Variants in LHFPL3 observed in about 807,000 individuals in gnomAD.
The protein encoded by LHFPL3 is LHFPL tetraspan subfamily member 3.
A neutral mutation model predicts 19.3 loss-of-function variants in LHFPL3; 5 were observed. The ratio of observed to expected loss-of-function variants is 0.26; its 90% CI spans 0.14 to 0.54. The LOEUF (loss-of-function observed/expected upper bound fraction) is 0.54. Among genes scored for constraint, LHFPL3 ranks in the 20% least tolerant of loss-of-function variants. The pLI, the probability that LHFPL3 is intolerant of heterozygous loss-of-function variation, is 0.94. For synonymous variants in LHFPL3, 133 were observed against 126.2 expected (o/e 1.05, Z -0.36); for missense variants, 249 against 307.4 (o/e 0.81, Z 1.42).
intron 1 of LHFPL3, among the ~76,000 whole-genome samples, chr7:104,614,686 T>C (rs1217901854): frequency 5.1e-5 from 5 of 98,716 alleles, no homozygotes; most frequent in Non-Finnish European, 8.4e-5. Flanking sequence ...CTTCCTTCTT[T>C]CTTTCTTTCT....
At chr7:104,845,403 A>G in intron 2 of LHFPL3, 2 of 1,535,764 alleles carry the variant, frequency 1.3e-6, no homozygotes, top group Non-Finnish European at 1.7e-6. Context: ...GCTTAAGGCA[A>G]ACTAAGGTAG....
chr7:104,668,802 C>G, intron 1 of LHFPL3: 1 of 1,610,656 alleles, frequency 6.2e-7, no homozygotes, highest in Admixed American at 1.7e-5. Context: ...AACTCCCAGT[C>G]CACTCGAGCT....
intron 1 of LHFPL3, among the ~76,000 whole-genome samples, chr7:104,533,862 T>C (rs947534607): frequency 6.6e-6 from 1 of 152,198 alleles, no homozygotes; most frequent in Non-Finnish European, 1.5e-5. Context: ...TCTGATGATA[T>C]TGTCCTATGA....
At chr7:104,456,264 T>C (rs1792539191) in intron 1 of LHFPL3, among the ~76,000 whole-genome samples, 1 of 152,224 alleles carries the variant, frequency 6.6e-6, no homozygotes, top group Non-Finnish European at 1.5e-5. Context: ...AGCCGTCAGC[T>C]GCTTACTTTC....
intron 1 of LHFPL3, among the ~76,000 whole-genome samples, chr7:104,411,080 T>C (rs1170079154): frequency 6.6e-6 from 1 of 152,218 alleles, no homozygotes; most frequent in Non-Finnish European, 1.5e-5. Flanking sequence ...CTAACTGGAT[T>C]AGTTTCAGTG....
chr7:104,375,906 T>C (rs1010819786), intron 1 of LHFPL3, among the ~76,000 whole-genome samples: 4 of 152,374 alleles, frequency 2.6e-5, no homozygotes, highest in Admixed American at 6.5e-5. Flanking sequence ...TTTCCCCAGC[T>C]CACTGTTTCC....
Position 104,686,376 on chromosome 7 carries a change from A to G in LHFPL3, c.446-50299A>G, listed in dbSNP as rs575640146. On this transcript the variant is annotated intron_variant, in intron 1 of 2. Transcript: ENST00000424859. ...TTCACTGCAATGCAGGTGTGGGAGC[A>G]GCTGCATGATTTCCACACATCAAGA... is the stretch of plus-strand genomic sequence containing the variant. Among the ~76,000 whole-genome samples, 5 of 152,344 alleles carry G rather than the reference A, an allele frequency of 3.3e-5. No homozygotes were observed. In the South Asian group the frequency reaches 1.0e-3, roughly 32 times the overall value.
chr7:104,400,014 G>A (rs1791279813), intron 1 of LHFPL3, among the ~76,000 whole-genome samples: 1 of 147,042 alleles, frequency 6.8e-6, no homozygotes, highest in Non-Finnish European at 1.5e-5. Context: ...TGAGGCTGAA[G>A]AATCCTTTGA....
At chr7:104,878,504 A>G (rs1791990257) in intron 2 of LHFPL3, among the ~76,000 whole-genome samples, 1 of 152,172 alleles carries the variant, frequency 6.6e-6, no homozygotes, top group African/African-American at 2.4e-5. Flanking sequence ...ATAAGATGGC[A>G]AAGTTAATAA....
At chr7:104,352,064 C>T (rs1790185236) in intron 1 of LHFPL3, among the ~76,000 whole-genome samples, 1 of 151,672 alleles carries the variant, frequency 6.6e-6, no homozygotes, top group Admixed American at 6.6e-5. Context: ...ATTAGCTGAG[C>T]TGGGGCAGGA....
chr7:104,720,194 T>C (rs1045144136), intron 1 of LHFPL3, among the ~76,000 whole-genome samples: 1 of 152,044 alleles, frequency 6.6e-6, no homozygotes, highest in Non-Finnish European at 1.5e-5. Context: ...AAAACAGATA[T>C]ATAGACCAAT....
intron 2 of LHFPL3, among the ~76,000 whole-genome samples, chr7:104,843,378 C>G (rs1427209069): frequency 6.6e-6 from 1 of 152,254 alleles, no homozygotes; most frequent in Non-Finnish European, 1.5e-5. Context: ...GAGCACATTG[C>G]TGCCCTCTGT....
Position 104,907,884 on chromosome 7 carries a change from T to C in LHFPL3, c.*1669T>C, listed in dbSNP as rs1792650963. On this transcript the variant is annotated 3_prime_UTR_variant, in exon 3 of 3. Coordinates refer to ENST00000424859, the MANE Select transcript of LHFPL3 (RefSeq NM_199000.3). The stretch of plus-strand genomic sequence containing the variant: ...AATGGCTAAAAGCATATTATGGGTA[T>C]GCTCAAAGGAGTAAAACCCAATTCA... Among the ~76,000 whole-genome samples the C allele has an allele frequency of 6.6e-6, 1 of 152,232 alleles. No homozygotes were observed.
intron 2 of LHFPL3, among the ~76,000 whole-genome samples, chr7:104,855,740 C>G (rs1381134661): frequency 2.6e-5 from 4 of 151,974 alleles, no homozygotes; most frequent in Non-Finnish European, 4.4e-5. Context: ...TCTCTTGCCT[C>G]AGCTTCACGA....
At chr7:104,811,180 CTTT>C (rs1790462378) in intron 2 of LHFPL3, among the ~76,000 whole-genome samples, 2 of 139,588 alleles carry the variant, frequency 1.4e-5, no homozygotes, top group African/African-American at 5.5e-5. Context: ...CTTTTCTTTT[CTTT>C]TCTTTTCTTT....
chr7:104,831,425 G>A lies in LHFPL3; in HGVS notation c.683-74762G>A, dbSNP rs548676493. On this transcript the variant is annotated intron_variant, in intron 2 of 2. Coordinates refer to ENST00000424859, the MANE Select transcript of LHFPL3 (RefSeq NM_199000.3). ...GAACGAAAAGTTAAAAAGTTTAAAA[G>A]ACCAAGCAACGAACAACATTTACAG... is the stretch of plus-strand genomic sequence containing the variant. 4.6e-5 allele frequency among the ~76,000 whole-genome samples: 7 copies of A among 152,038 alleles called. 1 individual carries two copies. Among genetic ancestry groups the A allele is most frequent in the African/African-American group, 1.7e-4 (7 of 41,344 alleles).
At chr7:104,730,571 C>T (rs11535279) in intron 1 of LHFPL3, among the ~76,000 whole-genome samples, 22,777 of 151,268 alleles carry the variant, frequency 0.15, 1,879 homozygotes, top group Non-Finnish European at 0.19. Flanking sequence ...TCATATCCTT[C>T]GCCCACTTTT....
At chr7:104,338,661 A>G (rs1214382004) in intron 1 of LHFPL3, among the ~76,000 whole-genome samples, 1 of 152,106 alleles carries the variant, frequency 6.6e-6, no homozygotes, top group African/African-American at 2.4e-5. Context: ...GCAATTTGAG[A>G]CTTTTTTCCT....
intron 2 of LHFPL3, among the ~76,000 whole-genome samples, chr7:104,825,581 C>CA (rs916253798): frequency 1.5e-4 from 22 of 151,008 alleles, no homozygotes; most frequent in African/African-American, 3.2e-4. Context: ...CTGCACATAA[C>CA]AAAAAAAAAT....
Sources: gnomAD v4.1 joint callset for allele counts (sites outside exome capture counted in the v4.1 genomes callset) on GRCh38, gnomAD v4.1.1 for gene constraint, MANE v1.5 for transcripts, NCBI Gene and HGNC (gene_info 2026-07-23, HGNC 2026-07-21) for gene names.